TDRD5: variants seen among roughly 807,000 people sequenced by gnomAD.
TDRD5 encodes tudor domain containing 5.
A neutral mutation model predicts 120.6 loss-of-function variants in TDRD5; 41 were observed. That is an observed-to-expected ratio of 0.34 (90% confidence interval 0.26 to 0.44). The LOEUF (loss-of-function observed/expected upper bound fraction) is 0.44, where lower values mean the gene tolerates loss of function less well. Ranked by LOEUF, TDRD5 falls within the 20% of genes least tolerant of loss-of-function variation. TDRD5 has a pLI of 1.00. For synonymous variants in TDRD5, 430 were observed against 433.7 expected, an observed-to-expected ratio of 0.99 and a Z score of 0.11; for missense variants, 1,006 against 1,221.2, an observed-to-expected ratio of 0.82 and a Z score of 2.63.
At chr1:179,606,039 C>A (rs1675963374) in intron 4 of TDRD5, among the ~76,000 whole-genome samples, 1 of 151,828 alleles carries the variant, frequency 6.6e-6, no homozygotes, top group Non-Finnish European at 1.5e-5. Context: ...AGTGGTGGTA[C>A]CATTTTGCAT....
intron 11 of TDRD5, among the ~76,000 whole-genome samples, chr1:179,646,549 AG>A (rs1678374107): frequency 6.8e-6 from 1 of 146,860 alleles, no homozygotes; most frequent in Non-Finnish European, 1.5e-5. Context: ...GGCACAAGAC[AG>A]GGATGCCCTG....
At position 179,622,905 on chromosome 1, in the gene TDRD5, C is replaced by G. The variant is rs538961662; in HGVS notation, c.972+1814C>G. Among the ~76,000 whole-genome samples, 5 of 152,126 alleles carry G rather than the reference C, an allele frequency of 3.3e-5. No homozygotes were observed. The East Asian group carries it at 9.7e-4, about 29-fold the overall frequency. ...ATAAATCTAAGAAGCCCAGAAAACC[C>G]CAAACAAGTAATACAGAGAAAACCT... On this transcript the variant is annotated intron_variant, in intron 6 of 17. Transcript: ENST00000444136.
intron 6 of TDRD5, among the ~76,000 whole-genome samples, chr1:179,629,351 A>G (rs976612854): frequency 2.0e-5 from 3 of 152,226 alleles, no homozygotes; most frequent in Admixed American, 2.0e-4. Flanking sequence ...AGCCAAGATG[A>G]GAATACATAT....
At chr1:179,664,941 A>G (rs1267762838) in intron 16 of TDRD5, among the ~76,000 whole-genome samples, 1 of 152,120 alleles carries the variant, frequency 6.6e-6, no homozygotes, top group Non-Finnish European at 1.5e-5. Flanking sequence ...CCAGTTCTCC[A>G]TATCTTCACC....
At chr1:179,598,512 T>C in intron 4 of TDRD5, among the ~76,000 whole-genome samples, 1 of 152,226 alleles carries the variant, frequency 6.6e-6, no homozygotes, top group East Asian at 1.9e-4. Flanking sequence ...TGGTATATCT[T>C]CATTTATTTA....
intron 16 of TDRD5, 99 bp downstream of exon 16, chr1:179,663,590 C>G: frequency 6.9e-7 from 1 of 1,457,136 alleles, no homozygotes; most frequent in African/African-American, 1.4e-5. Flanking sequence ...TTGATATTGC[C>G]TGTCTCTTAA....
intron 3 of TDRD5, among the ~76,000 whole-genome samples, chr1:179,594,220 G>A (rs1675269067): frequency 6.6e-6 from 1 of 152,126 alleles, no homozygotes; most frequent in South Asian, 2.1e-4. Flanking sequence ...ATATAAATAA[G>A]CTATATGGAA....
chr1:179,686,942 T>C (rs1389573184), intron 17 of TDRD5, among the ~76,000 whole-genome samples: 1 of 152,234 alleles, frequency 6.6e-6, no homozygotes, highest in Non-Finnish European at 1.5e-5. Context: ...TTTTGTTCTT[T>C]ATTAGTCTTG....
intron 6 of TDRD5, among the ~76,000 whole-genome samples, chr1:179,625,612 TGTAA>T (rs776708984): frequency 4.6e-5 from 7 of 152,314 alleles, no homozygotes; most frequent in East Asian, 1.9e-4. Flanking sequence ...TACAATTTCT[TGTAA>T]GTGTGTATTT....
rs1403589066 is a variant in TDRD5 at position 179,648,485 on chromosome 1, C to T, written c.1801-2382C>T. 2.2e-5 allele frequency among the ~76,000 whole-genome samples: 3 copies of T among 135,862 alleles called. No individual in the cohort carries two copies. In the East Asian group the frequency reaches 6.7e-4, roughly 31 times the overall value. The allele number at this position is 135,862 out of a possible 152,430, so 89.1% of individuals were successfully genotyped here. A position where few individuals can be genotyped will look rare whatever the true frequency, so the allele number is the denominator to read the frequency against. On this transcript the variant is annotated intron_variant, in intron 11 of 17. Transcript: ENST00000444136. ...GGGAGGGATAGCATTGGGAGATATA[C>T]CTAATGCTAGATGACGAGTTAGTGG...
At position 179,652,124 on chromosome 1, in the gene TDRD5, C is replaced by T. The variant is rs1316516668; in HGVS notation, c.2087C>T (p.Pro696Leu). The T allele has an allele frequency of 2.0e-5, 32 of 1,613,978 alleles. No individual in the cohort carries two copies. Among genetic ancestry groups the T allele is most frequent in the Non-Finnish European group, 2.5e-5 (30 of 1,179,970 alleles). The change falls in exon 13 of 18, where the codon CCT (proline) becomes CTT (leucine). Residue 696 changes from proline (P) to leucine (L), a missense_variant. Pro to Leu is a moderately conservative substitution (Grantham distance 98). This residue lies in a region of TDRD5 where 403 missense variants were observed against 448.1 expected (regional missense o/e 0.90). Coordinates refer to ENST00000444136, the MANE Select transcript of TDRD5 (RefSeq NM_001199085.3). ...ATTGTCTTGACAGAACTGGGTTATC[C>T]TTCCCAGCAGCACTATTTTAATGAA... is the stretch of plus-strand genomic sequence containing the variant. ...EDIVLTELGY[P>L]SQQHYFNEDR... is the part of the protein sequence containing the mutation.
At chr1:179,634,409 T>C (rs971339113) in intron 7 of TDRD5, 48 bp from the exon 8 acceptor site, 4 of 1,560,742 alleles carry the variant, frequency 2.6e-6, no homozygotes, top group Non-Finnish European at 3.4e-6. Flanking sequence ...GCTGCTCTAT[T>C]GGCCATTTGA....
Position 179,628,324 on chromosome 1 carries a change from CTTTTTTT to C in TDRD5, c.973-2423_973-2417del, listed in dbSNP as rs71569258. On this transcript the variant is annotated intron_variant, in intron 6 of 17. Coordinates refer to ENST00000444136, the MANE Select transcript of TDRD5 (RefSeq NM_001199085.3). ...TTATTTATTTCTTTTCTTTTCTTTT[CTTTTTTT>C]TTTTTTTTTTTTTTTTTTTAAGACG... Among the ~76,000 whole-genome samples, 31 of 54,608 alleles carry C rather than the reference CTTTTTTT, an allele frequency of 5.7e-4. 1 individual carries two copies. The highest frequency in any genetic ancestry group is 7.4e-4 in the Admixed American group (3 of 4,038). The allele number at this position is 54,608 out of a possible 152,430, so 35.8% of individuals were successfully genotyped here.
chr1:179,628,353 G>T (rs1163920430), intron 6 of TDRD5, among the ~76,000 whole-genome samples: 83 of 94,412 alleles, frequency 8.8e-4, no homozygotes, highest in South Asian at 1.7e-3. Flanking sequence ...TTTTTTTTAA[G>T]ACGGGGTCTT....
At chr1:179,634,407 A>G (rs1677643111) in intron 7 of TDRD5, 50 bp from the exon 8 acceptor site, 3 of 1,557,796 alleles carry the variant, frequency 1.9e-6, no homozygotes, top group African/African-American at 2.8e-5. Context: ...AGGCTGCTCT[A>G]TTGGCCATTT....
intron 7 of TDRD5, among the ~76,000 whole-genome samples, chr1:179,632,229 T>C (rs1224744353): frequency 1.3e-5 from 2 of 152,176 alleles, no homozygotes; most frequent in African/African-American, 4.8e-5. Context: ...TCTTTTGAAG[T>C]TTTTATTAAG....
intron 4 of TDRD5, among the ~76,000 whole-genome samples, chr1:179,602,932 A>T (rs763869127): frequency 6.6e-6 from 1 of 152,068 alleles, no homozygotes; most frequent in Non-Finnish European, 1.5e-5. Flanking sequence ...TGATATTATG[A>T]TGGGGATTCC....
rs562922851 is a variant in TDRD5, at chr1:179,650,929, G to T, written c.1863G>T (p.Val621=). ...FQKLCGLKPL[V]GVVDEYVDGI... The stretch of plus-strand genomic sequence containing the variant: ...AGTTGTGCGGTTTGAAGCCATTAGT[G>T]GGGGTAGTGGATGAATATGTAGATG... The change falls in exon 12 of 18, where the codon GTG becomes GTT. Residue 621 remains valine (V), a synonymous_variant. Coordinates refer to ENST00000444136, the MANE Select transcript of TDRD5 (RefSeq NM_001199085.3). 1.9e-6 allele frequency: 3 copies of T among 1,614,002 alleles called. No homozygotes were observed. The highest frequency in any genetic ancestry group is 1.7e-5 in the Admixed American group (1 of 60,004).
chr1:179,685,447 C>T (rs1680651073), intron 17 of TDRD5, among the ~76,000 whole-genome samples: 1 of 152,054 alleles, frequency 6.6e-6, no homozygotes, highest in African/African-American at 2.4e-5. Context: ...GTTATTGTAG[C>T]CTTGGTATAG....
Sources: allele counts gnomAD v4.1 joint callset (sites outside exome capture counted in the v4.1 genomes callset), GRCh38; gene constraint gnomAD v4.1.1; regional missense constraint gnomAD v4.1.1; transcripts MANE v1.5; gene names NCBI Gene and HGNC (gene_info 2026-07-23, HGNC 2026-07-21).